DNAJB11: variants seen among roughly 807,000 people sequenced by gnomAD.
DNAJB11 encodes dnaJ homolog subfamily B member 11.
In DNAJB11, 30 loss-of-function variants were observed where a neutral mutation model predicts 47.2. The ratio of observed to expected loss-of-function variants is 0.64; its 90% CI spans 0.48 to 0.86. The LOEUF (loss-of-function observed/expected upper bound fraction) is 0.86, where lower values mean the gene tolerates loss of function less well. DNAJB11 is among the 40% of genes least tolerant of loss of function. DNAJB11 has a pLI of 0.00. For missense variants in DNAJB11, 357 were observed against 440.2 expected (o/e 0.81, Z 1.69); for synonymous variants, 151 against 159.9 (o/e 0.94, Z 0.42).
intron 3 of DNAJB11, among the ~76,000 whole-genome samples, chr3:186,576,377 G>A (rs898587496): frequency 1.3e-5 from 2 of 152,210 alleles, no homozygotes; most frequent in African/African-American, 2.4e-5. Context: ...GAAGGAATTA[G>A]GGTAGAGGAC....
At chr3:186,582,692 T>C (rs1175347811) in intron 6 of DNAJB11, 24 bp from the exon 7 acceptor site, 1 of 1,568,976 alleles carries the variant, frequency 6.4e-7, no homozygotes. Flanking sequence ...TGATTTACAA[T>C]ATGCTGTAAT....
chr3:186,572,326 C>T (rs982023551), intron 2 of DNAJB11, 75 bp downstream of exon 2: 29 of 1,301,252 alleles, frequency 2.2e-5, no homozygotes, highest in Non-Finnish European at 3.1e-5. Flanking sequence ...GAGAAACACT[C>T]CTTTCAGCTC....
At position 186,581,424 on chromosome 3, in the gene DNAJB11, T is replaced by C. The variant is rs1301752492; in HGVS notation, c.510T>C (p.Asn170=). ...ARQAPGKRKC[N]CRQEMRTTQL... Reference sequence around the variant, plus strand: ...AGGCTCCTGGCAAACGGAAGTGCAATTGTCGGCAAGAGATGCGGACCACCC... The same window carrying C: ...AGGCTCCTGGCAAACGGAAGTGCAACTGTCGGCAAGAGATGCGGACCACCC... Residue 170 remains asparagine, a synonymous_variant, in exon 5 of 10, where the codon AAT becomes AAC. Coordinates refer to ENST00000265028, the MANE Select transcript of DNAJB11 (RefSeq NM_016306.6). 6.2e-7 allele frequency: 1 copy of C among 1,613,950 alleles called. No individual in the cohort carries two copies. The highest frequency in any genetic ancestry group is 8.5e-7 in the Non-Finnish European group (1 of 1,179,986).
At chr3:186,582,857 C>A in intron 7 of DNAJB11, 84 bp downstream of exon 7, 1 of 998,692 alleles carries the variant, frequency 1.0e-6, no homozygotes, top group Non-Finnish European at 1.6e-6. Flanking sequence ...AGACTTTTTT[C>A]TCTGTTTCTT....
rs746499326 is a variant in DNAJB11, at chr3:186,584,633, GTA to G, written c.1012+46_1012+47del. Reference sequence around the variant, plus strand: ...TGTGTGTGTGTGTGTTTGTGTGTGTGTATGTGTGTGTGTGTGAGATGAGAAAA... The same window carrying G: ...TGTGTGTGTGTGTGTTTGTGTGTGTGTGTGTGTGTGTGTGAGATGAGAAAA... On this transcript the variant is annotated intron_variant, in intron 9 of 9. Transcript: ENST00000265028. 1,089 of 1,470,538 alleles carry G rather than the reference GTA, an allele frequency of 7.4e-4. 1 individual carries two copies. The highest frequency in any genetic ancestry group is 1.3e-3 in the South Asian group (91 of 71,058). 91.1% of individuals were successfully genotyped at this position (1,470,538 alleles called of 1,614,324 possible).
At chr3:186,581,870 C>A in intron 5 of DNAJB11, 125 bp from the exon 6 acceptor site, 1 of 756,586 alleles carries the variant, frequency 1.3e-6, no homozygotes, top group Non-Finnish European at 2.1e-6. Flanking sequence ...ATAGTTTTGT[C>A]AAGTAGAGGC....
intron 2 of DNAJB11, among the ~76,000 whole-genome samples, chr3:186,575,382 TGTG>T (rs1715251443): frequency 6.6e-6 from 1 of 151,814 alleles, no homozygotes; most frequent in Non-Finnish European, 1.5e-5. Context: ...TGTGTGTGTG[TGTG>T]TGTGTGTCTG....
chr3:186,584,703 C>G, intron 9 of DNAJB11, 114 bp downstream of exon 9: 2 of 1,087,014 alleles, frequency 1.8e-6, no homozygotes, highest in Non-Finnish European at 2.5e-6. Context: ...AGACATCAAT[C>G]ATTAATGCTA....
intron 2 of DNAJB11, among the ~76,000 whole-genome samples, chr3:186,575,036 C>G (rs1056721643): frequency 3.9e-5 from 6 of 152,138 alleles, no homozygotes; most frequent in East Asian, 1.9e-4. Flanking sequence ...TTGTTACATT[C>G]TTTAATATAC....
At chr3:186,581,788 C>G (rs147690759) in intron 5 of DNAJB11, among the ~76,000 whole-genome samples, 24 of 152,054 alleles carry the variant, frequency 1.6e-4, no homozygotes, top group African/African-American at 4.6e-4. Context: ...ATTAGAGCAG[C>G]CTTATATGTT....
chr3:186,579,529 T>C (rs1175543780), intron 4 of DNAJB11: 1 of 152,262 alleles, frequency 6.6e-6, no homozygotes, highest in Non-Finnish European at 1.5e-5. Context: ...CTAATCTTTT[T>C]TTAAGCAAAG....
chr3:186,585,414 A>AATACCCT lies in DNAJB11; in HGVS notation c.*9_*10insCCCTATA, dbSNP rs1354488123. On this transcript the variant is annotated 3_prime_UTR_variant, in exon 10 of 10. Coordinates refer to ENST00000265028, the MANE Select transcript of DNAJB11 (RefSeq NM_016306.6). Reference sequence around the variant, plus strand: ...ATGGACTGCAAGGATATTGAGAGTGAATAAAATTGGACTTTGTTTAAAATA... The same window carrying AATACCCT: ...ATGGACTGCAAGGATATTGAGAGTGAATACCCTATAAAATTGGACTTTGTTTAAAATA... The AATACCCT allele has an allele frequency of 6.2e-7, 1 of 1,601,060 alleles. No homozygotes were observed. The highest frequency in any genetic ancestry group is 8.5e-7 in the Non-Finnish European group (1 of 1,173,062).
intron 4 of DNAJB11, 55 bp from the exon 5 acceptor site, chr3:186,581,316 A>C: frequency 6.3e-7 from 1 of 1,596,422 alleles, no homozygotes; most frequent in Non-Finnish European, 8.5e-7. Flanking sequence ...CAATTGAGGA[A>C]AGGAAAGGCT....
chr3:186,571,707 CAA>C (rs992606534), intron 1 of DNAJB11, among the ~76,000 whole-genome samples: 4 of 152,022 alleles, frequency 2.6e-5, no homozygotes, highest in African/African-American at 9.7e-5. Flanking sequence ...TTAGAAAAGT[CAA>C]AATCATTTGG....
Position 186,572,200 on chromosome 3 carries a change from T to A in DNAJB11, c.174T>A (p.Pro58=). 1.2e-6 allele frequency: 2 copies of A among 1,613,976 alleles called. No homozygotes were observed. Among genetic ancestry groups the A allele is most frequent in the Non-Finnish European group, 1.7e-6 (2 of 1,179,960 alleles). The change falls in exon 2 of 10, where the codon CCT becomes CCA. Residue 58 remains proline (P), a synonymous_variant. Coordinates refer to ENST00000265028, the MANE Select transcript of DNAJB11 (RefSeq NM_016306.6). The part of the protein sequence containing the change: ...LALQLHPDRN[P]DDPQAQEKFQ... ...TGCAGCTTCATCCCGACCGGAACCC[T>A]GATGATCCACAAGCCCAGGAGAAAT...
At chr3:186,580,480 TCACCTGTA>T (rs1217133159) in intron 4 of DNAJB11, 1 of 152,200 alleles carries the variant, frequency 6.6e-6, no homozygotes, top group Non-Finnish European at 1.5e-5. Context: ...TTCTGTTACC[TCACCTGTA>T]AAATGGGGAT....
rs1280577904 is a variant in DNAJB11, at chr3:186,584,025, G to A, written c.852+49G>A. The A allele has an allele frequency of 2.9e-6, 4 of 1,367,312 alleles. No homozygotes were observed. In the African/African-American group the frequency reaches 5.8e-5, roughly 20 times the overall value. The allele number at this position is 1,367,312 out of a possible 1,614,324, so 84.7% of individuals were successfully genotyped here. On this transcript the variant is annotated intron_variant, in intron 8 of 9. Coordinates refer to ENST00000265028, the MANE Select transcript of DNAJB11 (RefSeq NM_016306.6). ...CTGCATCCTTTTGAAGCCTTTATGT[G>A]GGTAGTTTTGAGATGTATCAGCTGT...
chr3:186,583,959 C>T lies in DNAJB11; in HGVS notation c.835C>T (p.His279Tyr), dbSNP rs567082628. ...GGTTGGCTTTGAGATGGATATTACT[C>T]ACTTGGATGGTCACAAGGTAAACAA... The part of the protein sequence containing the change: ...SLVGFEMDIT[H>Y]LDGHKVHISR... The change falls in exon 8 of 10, where the codon CAC becomes TAC. Residue 279 changes from histidine (H) to tyrosine (Y), a missense_variant. His to Tyr is a moderately conservative substitution (Grantham distance 83). Coordinates refer to ENST00000265028, the MANE Select transcript of DNAJB11 (RefSeq NM_016306.6). 1.9e-6 allele frequency: 3 copies of T among 1,612,200 alleles called. No individual in the cohort carries two copies. Among genetic ancestry groups the T allele is most frequent in the Admixed American group, 3.3e-5 (2 of 60,018 alleles).
intron 4 of DNAJB11, chr3:186,578,842 A>G (rs1715387431): frequency 6.6e-6 from 1 of 152,266 alleles, no homozygotes; most frequent in African/African-American, 2.4e-5. Flanking sequence ...TTCAGCAAAC[A>G]GAACTAATTA....
Sources: allele counts gnomAD v4.1 joint callset (sites outside exome capture counted in the v4.1 genomes callset), GRCh38; gene constraint gnomAD v4.1.1; transcripts MANE v1.5; gene names NCBI Gene and HGNC (gene_info 2026-07-23, HGNC 2026-07-21).